UBQLN1: variants seen among roughly 807,000 people sequenced by gnomAD.
UBQLN1 encodes ubiquilin-1.
A neutral mutation model predicts 65.4 loss-of-function variants in UBQLN1; 13 were observed. That is an observed-to-expected ratio of 0.20 (90% CI 0.13 to 0.32). The LOEUF (loss-of-function observed/expected upper bound fraction) is 0.32, where lower values mean the gene tolerates loss of function less well. Among genes scored for constraint, UBQLN1 ranks in the 10% least tolerant of loss-of-function variants. The probability of loss-of-function intolerance (pLI) is 1.00; values close to 1 mark genes in which losing one functional copy is unlikely to be tolerated. For missense variants in UBQLN1, 561 were observed against 724.0 expected (o/e 0.77, Z 2.58); for synonymous variants, 267 against 247.8 (o/e 1.08, Z -0.73).
chr9:83,671,603 A>T (rs1231759788), intron 6 of UBQLN1, among the ~76,000 whole-genome samples: 1 of 152,116 alleles, frequency 6.6e-6, no homozygotes, highest in Non-Finnish European at 1.5e-5. Context: ...GCAACGTCTC[A>T]CCAGTAGACT....
At chr9:83,675,785 A>G (rs757838841) in intron 6 of UBQLN1, among the ~76,000 whole-genome samples, 4 of 152,228 alleles carry the variant, frequency 2.6e-5, no homozygotes, top group Non-Finnish European at 5.9e-5. Context: ...GTCAAGTCTC[A>G]CTACATATCA....
intron 7 of UBQLN1, 131 bp downstream of exon 7, chr9:83,669,054 G>T: frequency 9.3e-7 from 1 of 1,076,566 alleles, no homozygotes; most frequent in Non-Finnish European, 1.3e-6. Flanking sequence ...AAAAATTGGA[G>T]ACACAGTTTA....
chr9:83,677,686 G>A (rs749373566), intron 6 of UBQLN1, 41 bp downstream of exon 6: 3 of 1,441,192 alleles, frequency 2.1e-6, no homozygotes, highest in Non-Finnish European at 9.6e-7. Flanking sequence ...TTATGTAAAT[G>A]AGGACAACAA....
chr9:83,679,478 G>C (rs1831904254), intron 4 of UBQLN1, among the ~76,000 whole-genome samples: 1 of 152,166 alleles, frequency 6.6e-6, no homozygotes, highest in Admixed American at 6.5e-5. Context: ...AAGCAACTTA[G>C]CATTCAAATA....
chr9:83,678,391 G>A (rs780272768), intron 5 of UBQLN1, 50 bp downstream of exon 5: 8 of 1,561,388 alleles, frequency 5.1e-6, no homozygotes, highest in Non-Finnish European at 6.9e-6. Flanking sequence ...ACATATTTGT[G>A]TTAAAACAGA....
intron 1 of UBQLN1, among the ~76,000 whole-genome samples, chr9:83,686,936 T>C (rs1587653901): frequency 6.6e-6 from 1 of 150,930 alleles, no homozygotes. Flanking sequence ...GAAAAAAAAA[T>C]CTGAAATCTG....
chr9:83,699,696 G>A (rs1832279421), intron 1 of UBQLN1, among the ~76,000 whole-genome samples: 1 of 152,192 alleles, frequency 6.6e-6, no homozygotes, highest in South Asian at 2.1e-4. Context: ...CCAATGAGAA[G>A]TGTTTTGATG....
rs767950755 is a variant in UBQLN1, at chr9:83,683,031, G to A, written c.368C>T (p.Ala123Val). Residue 123 changes from alanine to valine, a missense_variant, in exon 3 of 11, where the codon GCT becomes GTT. By Grantham distance (64) the Ala-to-Val change is moderately conservative. This residue lies in a region of UBQLN1 where 87 missense variants were observed against 88.8 expected (regional missense o/e 0.98). Coordinates refer to ENST00000376395, the MANE Select transcript of UBQLN1 (RefSeq NM_013438.5). The part of the protein sequence containing the change: ...QDHSAQQTNT[A>V]GSNVTTSSTP... ...TGATGATGTAGTAACATTGCTTCCA[G>A]CTGTATTTGTTTGCTGAGCTGAATG... 3 of 1,611,950 alleles carry A rather than the reference G, an allele frequency of 1.9e-6. No individual in the cohort carries two copies. Among genetic ancestry groups the A allele is most frequent in the Non-Finnish European group, 2.5e-6 (3 of 1,179,654 alleles).
chr9:83,686,890 A>C (rs1177696854), intron 1 of UBQLN1, among the ~76,000 whole-genome samples: 2 of 152,126 alleles, frequency 1.3e-5, no homozygotes, highest in African/African-American at 4.8e-5. Context: ...TTAAGTATAT[A>C]AGGCAAATAT....
chr9:83,669,909 T>C (rs1276742266), intron 6 of UBQLN1, among the ~76,000 whole-genome samples: 1 of 152,188 alleles, frequency 6.6e-6, no homozygotes, highest in East Asian at 1.9e-4. Flanking sequence ...AAATCTAATC[T>C]AACCCATGTG....
At chr9:83,678,756 G>A (rs1034016399) in intron 4 of UBQLN1, among the ~76,000 whole-genome samples, 157 bp from the exon 5 acceptor site, 2 of 151,642 alleles carry the variant, frequency 1.3e-5, no homozygotes, top group African/African-American at 2.4e-5. Context: ...TTGCTTTGTC[G>A]CCCAGGCTGG....
At chr9:83,667,775 A>C in intron 7 of UBQLN1, 11 of 974,110 alleles carry the variant, frequency 1.1e-5, no homozygotes, top group Non-Finnish European at 1.3e-5. Context: ...AAGTTTTTAC[A>C]CTCAAGAGTC....
chr9:83,703,332 T>C lies in UBQLN1; in HGVS notation c.180+4168A>G, dbSNP rs79854900. ...TGACATCACATGTGGAAAAATCCCA[T>C]ATGTAACACCTTTGCTTTCTGATGG... On this transcript the variant is annotated intron_variant, in intron 1 of 10. Transcript: ENST00000376395. 8.3e-3 allele frequency among the ~76,000 whole-genome samples: 1,261 copies of C among 152,220 alleles called. 34 individuals carry two copies. Among genetic ancestry groups the C allele is most frequent in the East Asian group, 0.046 (236 of 5,186 alleles).
intron 1 of UBQLN1, among the ~76,000 whole-genome samples, chr9:83,687,229 C>T (rs549391211): frequency 6.6e-6 from 1 of 152,054 alleles, no homozygotes; most frequent in Non-Finnish European, 1.5e-5. Flanking sequence ...AGAAAGTAGC[C>T]GATAAAACCT....
At chr9:83,679,543 C>CT (rs1325217817) in intron 4 of UBQLN1, among the ~76,000 whole-genome samples, 1 of 152,172 alleles carries the variant, frequency 6.6e-6, no homozygotes, top group Admixed American at 6.5e-5. Context: ...CAGCATTGGA[C>CT]TTTTTGATTC....
At position 83,697,281 on chromosome 9, in the gene UBQLN1, G is replaced by A. The variant is rs112127276; in HGVS notation, c.180+10219C>T. Among the ~76,000 whole-genome samples, 1,118 of 149,636 alleles carry A rather than the reference G, an allele frequency of 7.5e-3. 16 individuals are homozygous for A. Among genetic ancestry groups the A allele is most frequent in the Middle Eastern group, 0.014 (4 of 288 alleles). ...TTTTTTTAAGACATAGGCCAGGCGC[G>A]GTGGCTCACGCCTGTAATTCCAGCA... On this transcript the variant is annotated intron_variant, in intron 1 of 10. Transcript: ENST00000376395.
chr9:83,699,463 A>T (rs1832275502), intron 1 of UBQLN1, among the ~76,000 whole-genome samples: 1 of 152,168 alleles, frequency 6.6e-6, no homozygotes, highest in South Asian at 2.1e-4. Context: ...ACTAGCTGGG[A>T]CTACAGGTGT....
intron 1 of UBQLN1, among the ~76,000 whole-genome samples, chr9:83,694,725 C>G (rs1248423213): frequency 6.6e-6 from 1 of 152,108 alleles, no homozygotes; most frequent in Non-Finnish European, 1.5e-5. Context: ...CTCAATTCAC[C>G]GGTGAACAAA....
At chr9:83,680,072 A>G (rs932212724) in intron 3 of UBQLN1, 35 bp from the exon 4 acceptor site, 21 of 1,564,664 alleles carry the variant, frequency 1.3e-5, no homozygotes, top group Non-Finnish European at 1.7e-5. Context: ...TACAAATCAA[A>G]GTCAGAAAAT....
Sources: gnomAD v4.1 joint callset for allele counts (sites outside exome capture counted in the v4.1 genomes callset) on GRCh38, gnomAD v4.1.1 for gene constraint, gnomAD v4.1.1 regional missense constraint, MANE v1.5 for transcripts, NCBI Gene and HGNC (gene_info 2026-07-23, HGNC 2026-07-21) for gene names.